Variants in ARHGEF38 observed in about 807,000 individuals in gnomAD.
ARHGEF38 encodes Rho guanine nucleotide exchange factor 38, also known as Rho guanine nucleotide exchange factor (GEF) 38.
A neutral mutation model predicts 79.9 loss-of-function variants in ARHGEF38; 79 were observed. The ratio of observed to expected loss-of-function variants is 0.99; its 90% confidence interval spans 0.82 to 1.19. The LOEUF (loss-of-function observed/expected upper bound fraction) is 1.19, where lower values mean the gene tolerates loss of function less well. Ranked by LOEUF, ARHGEF38 falls within the 50% of genes most tolerant of loss-of-function variation. The pLI is 0.00. For synonymous variants in ARHGEF38, 366 were observed against 328.3 expected (o/e 1.11, Z -1.24); for missense variants, 962 against 907.2 (o/e 1.06, Z -0.78).
Position 105,678,012 on chromosome 4 carries a change from T to G in ARHGEF38, c.*75T>G, listed in dbSNP as rs1249300828. ...CTCATAAAACTGACATTACAAAACTTTGGACCAGAAAGCAAGAAACCTCTG... is the reference window on the plus strand; with the variant it reads ...CTCATAAAACTGACATTACAAAACTGTGGACCAGAAAGCAAGAAACCTCTG... On this transcript the variant is annotated 3_prime_UTR_variant, in exon 14 of 14. Coordinates refer to ENST00000420470, the MANE Select transcript of ARHGEF38 (RefSeq NM_001242729.2). The G allele has an allele frequency of 3.0e-6, 4 of 1,337,340 alleles. No individual in the cohort carries two copies. The highest frequency in any genetic ancestry group is 3.9e-6 in the Non-Finnish European group (4 of 1,014,028). The allele number at this position is 1,337,340 out of a possible 1,614,324, so 82.8% of individuals were successfully genotyped here. A position where few individuals can be genotyped will look rare whatever the true frequency, so the allele number is the denominator to read the frequency against.
intron 3 of ARHGEF38, among the ~76,000 whole-genome samples, chr4:105,629,912 T>C (rs1729110763): frequency 6.6e-6 from 1 of 152,178 alleles, no homozygotes; most frequent in South Asian, 2.1e-4. Context: ...TAGAAGGAAA[T>C]ATTTTATTTC....
rs1316863349 is a variant in ARHGEF38 at position 105,680,810 on chromosome 4, A to G, written c.*2873A>G. ...CTGAGGTACAACAGAAATTAAAATA[A>G]TTGCTTCTCTTCTCAACTCTATGTA... is the stretch of plus-strand genomic sequence containing the variant. On this transcript the variant is annotated 3_prime_UTR_variant, in exon 14 of 14. Transcript: ENST00000420470. 6.6e-6 allele frequency: 1 copy of G among 152,176 alleles called. No individual in the cohort carries two copies. Among genetic ancestry groups the G allele is most frequent in the African/African-American group, 2.4e-5 (1 of 41,448 alleles). The allele number at this position is 152,176 out of a possible 1,614,324, so 9.4% of individuals were successfully genotyped here. A position where few individuals can be genotyped will look rare whatever the true frequency, so the allele number is the denominator to read the frequency against.
At position 105,680,203 on chromosome 4, in the gene ARHGEF38, CT is replaced by C. The variant is rs1731261555; in HGVS notation, c.*2270del. 1 of 481,318 alleles carries C rather than the reference CT, an allele frequency of 2.1e-6. No individual in the cohort carries two copies. The highest frequency in any genetic ancestry group is 3.9e-6 in the Non-Finnish European group (1 of 258,556). 29.8% of individuals were successfully genotyped at this position (481,318 alleles called of 1,614,324 possible). A position where few individuals can be genotyped will look rare whatever the true frequency, so the allele number is the denominator to read the frequency against. On this transcript the variant is annotated 3_prime_UTR_variant, in exon 14 of 14. Transcript: ENST00000420470. ...TAAGGCCTTTCTTTTAGTGTTTTCC[CT>C]TTTCTTTTCCTTAAGTCACTAAAAT... is the stretch of plus-strand genomic sequence containing the variant.
At chr4:105,651,148 T>C (rs917115075) in intron 7 of ARHGEF38, among the ~76,000 whole-genome samples, 1 of 152,350 alleles carries the variant, frequency 6.6e-6, no homozygotes, top group South Asian at 2.1e-4. Context: ...ATCAACTTCT[T>C]ATATTTCTCA....
chr4:105,636,802 T>TA (rs1729415274), intron 5 of ARHGEF38, among the ~76,000 whole-genome samples: 1 of 152,130 alleles, frequency 6.6e-6, no homozygotes, highest in African/African-American at 2.4e-5. Context: ...TTCTATAGAT[T>TA]AATGCATAAG....
At position 105,552,797 on chromosome 4, in the gene ARHGEF38, A is replaced by G; in HGVS notation, c.32A>G (p.Asn11Ser). The change falls in exon 1 of 14, where the codon AAC becomes AGC. Residue 11 changes from asparagine to serine, a missense_variant. Coordinates refer to ENST00000420470, the MANE Select transcript of ARHGEF38 (RefSeq NM_001242729.2). MEPKEATGKE[N>S]MVTKKKNLAF... ...CCCAAAGAAGCCACTGGGAAAGAAA[A>G]CATGGTCACCAAGAAAAAGAATCTG... is the stretch of plus-strand genomic sequence containing the variant. The G allele has an allele frequency of 6.2e-7, 1 of 1,611,914 alleles. No homozygotes were observed. Among genetic ancestry groups the G allele is most frequent in the Non-Finnish European group, 8.5e-7 (1 of 1,179,372 alleles).
At chr4:105,655,515 G>C in intron 8 of ARHGEF38, 88 bp from the exon 9 acceptor site, 2 of 1,336,320 alleles carry the variant, frequency 1.5e-6, no homozygotes, top group Non-Finnish European at 2.0e-6. Context: ...ATAATTAAGG[G>C]TTATGCTGAT....
chr4:105,554,177 A>G (rs1192602657), intron 1 of ARHGEF38, among the ~76,000 whole-genome samples: 1 of 152,156 alleles, frequency 6.6e-6, no homozygotes. Context: ...AGCAATAGAT[A>G]CATTGGAAAG....
rs1252278025 is a variant in ARHGEF38 at position 105,667,522 on chromosome 4, G to T, written c.1967G>T (p.Arg656Met). 3.3e-6 allele frequency: 5 copies of T among 1,536,566 alleles called. No individual in the cohort carries two copies. Among genetic ancestry groups the T allele is most frequent in the Non-Finnish European group, 3.5e-6 (4 of 1,147,014 alleles). Reference protein sequence around the residue: ...AKMQKVDAENRFCDDDFENIS... With the variant: ...AKMQKVDAENMFCDDDFENIS... ...ATGCAGAAAGTGGATGCTGAGAACA[G>T]GTTCTGTGACGATGATTTTGAGAAC... Residue 656 changes from arginine (R) to methionine (M), a missense_variant, in exon 13 of 14, where the codon AGG becomes ATG. Transcript: ENST00000420470.
At chr4:105,667,097 T>A (rs1206657616) in intron 11 of ARHGEF38, 32 bp from the exon 12 acceptor site, 3 of 1,513,432 alleles carry the variant, frequency 2.0e-6, no homozygotes, top group Non-Finnish European at 2.6e-6. Flanking sequence ...TATGTATCTG[T>A]CTAAACCAAA....
intron 4 of ARHGEF38, 112 bp downstream of exon 4, chr4:105,631,157 G>C (rs573839061): frequency 6.6e-6 from 9 of 1,365,900 alleles, no homozygotes; most frequent in African/African-American, 1.5e-5. Flanking sequence ...TATGAGACTT[G>C]CTGGGAGCTC....
At position 105,679,374 on chromosome 4, in the gene ARHGEF38, C is replaced by G; in HGVS notation, c.*1437C>G. 1 of 1,267,120 alleles carries G rather than the reference C, an allele frequency of 7.9e-7. No individual in the cohort carries two copies. Among genetic ancestry groups the G allele is most frequent in the Non-Finnish European group, 1.2e-6 (1 of 868,146 alleles). 78.5% of individuals were successfully genotyped at this position (1,267,120 alleles called of 1,614,324 possible). On this transcript the variant is annotated 3_prime_UTR_variant, in exon 14 of 14. Transcript: ENST00000420470. ...CATATTTCCTTTCAGGAGGCACACT[C>G]TGGTAATCTGAGACACTGCATTACT...
At chr4:105,596,612 T>A (rs1387080631) in intron 2 of ARHGEF38, among the ~76,000 whole-genome samples, 1 of 152,218 alleles carries the variant, frequency 6.6e-6, no homozygotes, top group Non-Finnish European at 1.5e-5. Flanking sequence ...TCCTATGCAT[T>A]TTAAGCTATA....
At chr4:105,584,024 C>T (rs1010258504) in intron 1 of ARHGEF38, among the ~76,000 whole-genome samples, 6 of 151,828 alleles carry the variant, frequency 4.0e-5, no homozygotes, top group Non-Finnish European at 8.8e-5. Context: ...AAAAATTGCC[C>T]AATAAATAAA....
At position 105,679,653 on chromosome 4, in the gene ARHGEF38, C is replaced by T. The variant is rs903207063; in HGVS notation, c.*1716C>T. On this transcript the variant is annotated 3_prime_UTR_variant, in exon 14 of 14. Coordinates refer to ENST00000420470, the MANE Select transcript of ARHGEF38 (RefSeq NM_001242729.2). ...TGGAAGCCAGAGACCTTATGGCATC[C>T]ATGCTTTTAAATTTAACTAAATCCA... The T allele has an allele frequency of 1.7e-5, 14 of 800,022 alleles. No individual in the cohort carries two copies. Among genetic ancestry groups the T allele is most frequent in the Non-Finnish European group, 2.9e-5 (13 of 442,376 alleles). The allele number at this position is 800,022 out of a possible 1,614,324, so 49.6% of individuals were successfully genotyped here.
intron 6 of ARHGEF38, among the ~76,000 whole-genome samples, chr4:105,645,799 A>T (rs28403045): frequency 0.028 from 4,196 of 152,292 alleles, 190 homozygotes; most frequent in African/African-American, 0.094. Flanking sequence ...GACAGAGGCC[A>T]TCTAGTCTTT....
intron 2 of ARHGEF38, among the ~76,000 whole-genome samples, chr4:105,597,366 G>GTT (rs1727628168): frequency 6.6e-6 from 1 of 152,158 alleles, no homozygotes; most frequent in Non-Finnish European, 1.5e-5. Flanking sequence ...TGTCAAAATT[G>GTT]TTTTCTCCAG....
At position 105,567,931 on chromosome 4, in the gene ARHGEF38, C is replaced by G. The variant is rs185566285; in HGVS notation, c.196+14970C>G. Among the ~76,000 whole-genome samples the G allele has an allele frequency of 1.1e-4, 14 of 130,106 alleles. No homozygotes were observed. The South Asian group carries it at 1.6e-3, about 15-fold the overall frequency. The allele number at this position is 130,106 out of a possible 152,430, so 85.4% of individuals were successfully genotyped here. On this transcript the variant is annotated intron_variant, in intron 1 of 13. Coordinates refer to ENST00000420470, the MANE Select transcript of ARHGEF38 (RefSeq NM_001242729.2). The stretch of plus-strand genomic sequence containing the variant: ...TATTTCCCAGTGCTATCCCTCCCCC[C>G]CTCCCCCCACCCCACAACAGTCCCC...
chr4:105,627,573 T>A (rs1728999715), intron 3 of ARHGEF38, among the ~76,000 whole-genome samples: 1 of 152,194 alleles, frequency 6.6e-6, no homozygotes, highest in South Asian at 2.1e-4. Context: ...GATTGCTTTT[T>A]GGGGATGCCA....
Sources: allele counts gnomAD v4.1 joint callset (sites outside exome capture counted in the v4.1 genomes callset), GRCh38; gene constraint gnomAD v4.1.1; transcripts MANE v1.5; gene names NCBI Gene and HGNC (gene_info 2026-07-23, HGNC 2026-07-21).